The following SLAMF8 variants were observed in gnomAD, a reference collection of about 807,000 sequenced individuals.
The protein encoded by SLAMF8 is B lymphocyte activator macrophage expressed.
A neutral mutation model predicts 29.0 loss-of-function variants in SLAMF8; 23 were observed. The ratio of observed to expected loss-of-function variants is 0.79; its 90% confidence interval spans 0.57 to 1.13. The LOEUF (loss-of-function observed/expected upper bound fraction) is 1.13, where lower values mean the gene tolerates loss of function less well. Ranked by LOEUF, SLAMF8 falls within the 50% of genes most tolerant of loss-of-function variation. The probability of loss-of-function intolerance (pLI) is 0.00; values close to 1 mark genes in which losing one functional copy is unlikely to be tolerated. For missense variants in SLAMF8, 381 were observed against 353.1 expected (o/e 1.08, Z -0.63); for synonymous variants, 139 against 145.6 (o/e 0.96, Z 0.32).
At chr1:159,830,656 C>T (rs1318641388) in intron 2 of SLAMF8, among the ~76,000 whole-genome samples, 1 of 151,896 alleles carries the variant, frequency 6.6e-6, no homozygotes, top group Non-Finnish European at 1.5e-5. Flanking sequence ...TCTGTGTAGA[C>T]TATGTGTCAT....
chr1:159,832,734 G>C (rs551314808), intron 2 of SLAMF8, 142 bp from the exon 3 acceptor site: 1 of 831,244 alleles, frequency 1.2e-6, no homozygotes, highest in African/African-American at 1.7e-5. Flanking sequence ...TGTCCTGTGG[G>C]CAGTGGAAAG....
chr1:159,835,112 C>G (rs553133654), intron 4 of SLAMF8, 72 bp from the exon 5 acceptor site: 3 of 1,453,486 alleles, frequency 2.1e-6, no homozygotes, highest in Non-Finnish European at 2.9e-6. Flanking sequence ...GATTCAGAGG[C>G]CTGCAGGCAG....
intron 4 of SLAMF8, among the ~76,000 whole-genome samples, chr1:159,833,832 A>G (rs1270163399): frequency 6.6e-6 from 1 of 152,160 alleles, no homozygotes; most frequent in Non-Finnish European, 1.5e-5. Context: ...GAGCCCTTAA[A>G]AGGAGGATGC....
At chr1:159,834,149 C>A (rs1230255364) in intron 4 of SLAMF8, among the ~76,000 whole-genome samples, 1 of 152,240 alleles carries the variant, frequency 6.6e-6, no homozygotes, top group African/African-American at 2.4e-5. Context: ...CTGACCAGGG[C>A]TCCGTGGTCA....
intron 1 of SLAMF8, among the ~76,000 whole-genome samples, chr1:159,828,341 T>C (rs952248405): frequency 1.3e-5 from 2 of 152,192 alleles, no homozygotes; most frequent in African/African-American, 4.8e-5. Flanking sequence ...TGTGTTACAT[T>C]CCTGCTCTGC....
At chr1:159,827,416 G>A (rs1267921776) in intron 1 of SLAMF8, among the ~76,000 whole-genome samples, 1 of 152,148 alleles carries the variant, frequency 6.6e-6, no homozygotes, top group Non-Finnish European at 1.5e-5. Context: ...TATAAGGGGA[G>A]GCAAGTACTA....
chr1:159,836,649 G>A lies in SLAMF8; in HGVS notation c.*1389G>A. On this transcript the variant is annotated 3_prime_UTR_variant, in exon 5 of 5. Transcript: ENST00000289707. ...ACCTAGGATGTCAGCCCTGTCCAAG[G>A]ACCTTCCCTCTTCTCCCCAGTTCCT... is the stretch of plus-strand genomic sequence containing the variant. 1 of 985,366 alleles carries A rather than the reference G, an allele frequency of 1.0e-6. No homozygotes were observed. Among genetic ancestry groups the A allele is most frequent in the South Asian group, 4.7e-5 (1 of 21,282 alleles). The allele number at this position is 985,366 out of a possible 1,614,324, so 61.0% of individuals were successfully genotyped here.
chr1:159,828,416 G>C (rs1397065924), intron 1 of SLAMF8, among the ~76,000 whole-genome samples: 1 of 152,174 alleles, frequency 6.6e-6, no homozygotes, highest in Non-Finnish European at 1.5e-5. Flanking sequence ...GTGAGGCAGA[G>C]GGGGACCGGA....
In SLAMF8 at chr1:159,835,792, C is replaced by A; in HGVS notation, c.*532C>A. Reference sequence around the variant, plus strand: ...CCAAGGCATTGCTGTAAGAAAAGGTCTAGAAATAGGTGAAAGTGAGAGGTG... The same window carrying A: ...CCAAGGCATTGCTGTAAGAAAAGGTATAGAAATAGGTGAAAGTGAGAGGTG... On this transcript the variant is annotated 3_prime_UTR_variant, in exon 5 of 5. Transcript: ENST00000289707. The A allele has an allele frequency of 1.0e-6, 1 of 985,582 alleles. No individual in the cohort carries two copies. The highest frequency in any genetic ancestry group is 1.2e-6 in the Non-Finnish European group (1 of 830,066). The allele number at this position is 985,582 out of a possible 1,614,324, so 61.1% of individuals were successfully genotyped here.
chr1:159,829,790 A>G (rs1197687679), intron 1 of SLAMF8, 76 bp from the exon 2 acceptor site: 3 of 1,476,734 alleles, frequency 2.0e-6, no homozygotes, highest in East Asian at 4.6e-5. Context: ...AATTCACCCT[A>G]TAGCAGCTCA....
intron 2 of SLAMF8, among the ~76,000 whole-genome samples, chr1:159,832,245 G>T (rs1389047613): frequency 2.6e-5 from 4 of 152,156 alleles, no homozygotes; most frequent in African/African-American, 7.2e-5. Flanking sequence ...ACAGCATTTT[G>T]CACCCTCATA....
In SLAMF8 at chr1:159,832,975, A is replaced by G. The variant is rs778427702; in HGVS notation, c.467A>G (p.Asn156Ser). The G allele has an allele frequency of 1.9e-6, 3 of 1,614,240 alleles. No individual in the cohort carries two copies. Among genetic ancestry groups the G allele is most frequent in the South Asian group, 2.2e-5 (2 of 91,090 alleles). ...GTTTTCTTGTCCTGTTGGGCCCCCA[A>G]CATCAGCGAAATAACCTATAGCTGG... ...CQVFLSCWAPNISEITYSWRR... is the reference protein window; with the variant it reads ...CQVFLSCWAPSISEITYSWRR... The change falls in exon 3 of 5, where the codon AAC (asparagine) becomes AGC (serine). Residue 156 changes from asparagine (N) to serine (S), a missense_variant. By Grantham distance (46) the Asn-to-Ser change is conservative. Coordinates refer to ENST00000289707, the MANE Select transcript of SLAMF8 (RefSeq NM_020125.3).
intron 2 of SLAMF8, 148 bp from the exon 3 acceptor site, chr1:159,832,728 C>T: frequency 2.5e-6 from 2 of 794,866 alleles, no homozygotes; most frequent in Non-Finnish European, 4.0e-6. Flanking sequence ...AGCTTCTGTC[C>T]TGTGGGCAGT....
rs944736134 is a variant in SLAMF8, at chr1:159,837,435, G to A, written c.*2175G>A. On this transcript the variant is annotated 3_prime_UTR_variant, in exon 5 of 5. Transcript: ENST00000289707. ...GGCACTTGGGAATCAGTAGTCAAGC[G>A]AAACCCTTGCCTTTGAGAGTTTATG... The A allele has an allele frequency of 3.6e-5, 14 of 384,324 alleles. No homozygotes were observed. Among genetic ancestry groups the A allele is most frequent in the Non-Finnish European group, 4.6e-5 (13 of 280,452 alleles). 23.8% of individuals were successfully genotyped at this position (384,324 alleles called of 1,614,324 possible). A position where few individuals can be genotyped will look rare whatever the true frequency, so the allele number is the denominator to read the frequency against.
Position 159,829,300 on chromosome 1 carries a change from A to G in SLAMF8, c.41-566A>G, listed in dbSNP as rs143756857. Among the ~76,000 whole-genome samples the G allele has an allele frequency of 1.4e-4, 22 of 152,168 alleles. No homozygotes were observed. The East Asian group carries it at 4.3e-3, about 29-fold the overall frequency. On this transcript the variant is annotated intron_variant, in intron 1 of 4. Coordinates refer to ENST00000289707, the MANE Select transcript of SLAMF8 (RefSeq NM_020125.3). ...CCCATTGCTCTACAGATAAAGCCCA[A>G]ACTCCAGTATTGCTTTCAGGTCTCT...
intron 2 of SLAMF8, among the ~76,000 whole-genome samples, chr1:159,830,935 C>T (rs981572187): frequency 2.0e-5 from 3 of 152,138 alleles, no homozygotes; most frequent in East Asian, 1.9e-4. Flanking sequence ...CAGCTGGGTG[C>T]GACTTCTGCT....
At position 159,833,180 on chromosome 1, in the gene SLAMF8, A is replaced by C. The variant is rs529337002; in HGVS notation, c.672A>C (p.Ala224=). Residue 224 remains alanine (A), a splice_region_variant and synonymous_variant, in exon 3 of 5, where the codon GCA becomes GCC. Coordinates refer to ENST00000289707, the MANE Select transcript of SLAMF8 (RefSeq NM_020125.3). ...CCTGGGATAGCTGTCATCATGAGGC[A>C]GGTATGCTAAGGGCCAGCAGTCAGT... ...VTPWDSCHHE[A]APGKASYKDV... The C allele has an allele frequency of 2.5e-6, 4 of 1,614,000 alleles. No individual in the cohort carries two copies. In the African/African-American group the frequency reaches 5.3e-5, roughly 22 times the overall value.
chr1:159,829,845 C>T (rs1319299119), intron 1 of SLAMF8, 21 bp from the exon 2 acceptor site: 3 of 1,579,278 alleles, frequency 1.9e-6, no homozygotes, highest in Non-Finnish European at 2.6e-6. Flanking sequence ...GGCAGAGTGA[C>T]CAGGGGCTCT....
Position 159,826,946 on chromosome 1 carries a change from G to A in SLAMF8, c.40+8G>A. ...GTCTGCTTCTCTGGGAAGGTAAGTG[G>A]GGCAGGCAGATAGCCTGTCCTCGGA... On this transcript the variant is annotated splice_region_variant and intron_variant, in intron 1 of 4. Coordinates refer to ENST00000289707, the MANE Select transcript of SLAMF8 (RefSeq NM_020125.3). 2 of 1,614,032 alleles carry A rather than the reference G, an allele frequency of 1.2e-6. No individual in the cohort carries two copies. The highest frequency in any genetic ancestry group is 1.1e-5 in the South Asian group (1 of 91,062).
Sources: allele counts gnomAD v4.1 joint callset (sites outside exome capture counted in the v4.1 genomes callset), GRCh38; gene constraint gnomAD v4.1.1; transcripts MANE v1.5; gene names NCBI Gene and HGNC (gene_info 2026-07-23, HGNC 2026-07-21).